Variants in MMP16 observed in about 807,000 individuals in gnomAD.
MMP16 encodes matrix metalloproteinase-16.
MMP16 carries 12 observed loss-of-function variants against 67.8 expected under a neutral mutation model. That is an observed-to-expected ratio of 0.18 (90% confidence interval 0.11 to 0.29). The LOEUF is 0.29. Ranked by LOEUF, MMP16 falls within the 10% of genes least tolerant of loss-of-function variation. MMP16 has a pLI of 1.00. For missense variants in MMP16, 475 were observed against 765.7 expected, an observed-to-expected ratio of 0.62 and a Z score of 4.48; for synonymous variants, 249 against 255.9, an observed-to-expected ratio of 0.97 and a Z score of 0.26.
chr8:88,248,733 G>C (rs1810159372), intron 1 of MMP16, among the ~76,000 whole-genome samples: 1 of 150,370 alleles, frequency 6.7e-6, no homozygotes, highest in African/African-American at 2.4e-5. Context: ...AAAAGGAGTT[G>C]TCCTCTAGGG....
intron 3 of MMP16, among the ~76,000 whole-genome samples, chr8:88,175,542 C>G (rs932532011): frequency 1.3e-5 from 2 of 152,060 alleles, no homozygotes; most frequent in Non-Finnish European, 2.9e-5. Context: ...GTCTTGTCAG[C>G]GCACTCTCAA....
intron 1 of MMP16, among the ~76,000 whole-genome samples, chr8:88,279,993 C>A (rs1463608605): frequency 1.3e-5 from 2 of 152,090 alleles, no homozygotes; most frequent in African/African-American, 2.4e-5. Context: ...GGCAGATGAA[C>A]CCCAGTGGTT....
chr8:88,309,886 T>A (rs1453002763), intron 1 of MMP16, among the ~76,000 whole-genome samples: 1 of 152,124 alleles, frequency 6.6e-6, no homozygotes, highest in Non-Finnish European at 1.5e-5. Flanking sequence ...TAATGTAAGT[T>A]ACTTAAAAGA....
intron 6 of MMP16, among the ~76,000 whole-genome samples, chr8:88,100,583 T>C (rs922869299): frequency 1.3e-5 from 2 of 151,992 alleles, no homozygotes; most frequent in Admixed American, 1.3e-4. Context: ...TCCTCAAGGA[T>C]CTAGAAACAG....
chr8:88,244,818 AC>A (rs1810088763), intron 1 of MMP16, among the ~76,000 whole-genome samples: 1 of 152,194 alleles, frequency 6.6e-6, no homozygotes, highest in African/African-American at 2.4e-5. Context: ...AAGATTTTGA[AC>A]ATATTTGTGC....
chr8:88,307,002 T>A (rs1456617499), intron 1 of MMP16, among the ~76,000 whole-genome samples: 1 of 152,226 alleles, frequency 6.6e-6, no homozygotes, highest in Non-Finnish European at 1.5e-5. Context: ...TGTTTGCAGA[T>A]GGCAGGATCC....
rs1263556345 is a variant in MMP16 at position 88,040,007 on chromosome 8, A to T, written c.*1454T>A. On this transcript the variant is annotated 3_prime_UTR_variant, in exon 10 of 10. Transcript: ENST00000286614. ...ATGGTGGACATGCAATAGGTAATGC[A>T]CTGGAGGATATTCATGCAACTTCAG... 6.6e-6 allele frequency: 1 copy of T among 152,610 alleles called. No homozygotes were observed. Among genetic ancestry groups the T allele is most frequent in the Non-Finnish European group, 1.5e-5 (1 of 68,042 alleles). The allele number at this position is 152,610 out of a possible 1,614,324, so 9.5% of individuals were successfully genotyped here.
At chr8:88,109,467 A>G (rs1052235392) in intron 6 of MMP16, among the ~76,000 whole-genome samples, 2 of 151,412 alleles carry the variant, frequency 1.3e-5, no homozygotes, top group African/African-American at 2.4e-5. Flanking sequence ...ATAACTTCAC[A>G]TAATCCACAA....
chr8:88,230,219 C>T (rs1383591970), intron 1 of MMP16, among the ~76,000 whole-genome samples: 1 of 152,044 alleles, frequency 6.6e-6, no homozygotes, highest in Non-Finnish European at 1.5e-5. Context: ...GTTTCTCATT[C>T]ACGAGATGCA....
chr8:88,211,341 C>A (rs1489349447), intron 1 of MMP16, among the ~76,000 whole-genome samples: 1 of 152,094 alleles, frequency 6.6e-6, no homozygotes, highest in Admixed American at 6.6e-5. Context: ...ATTATTATTG[C>A]CATTGTAATC....
chr8:88,198,180 A>G (rs1057182319), intron 1 of MMP16, among the ~76,000 whole-genome samples: 1 of 152,176 alleles, frequency 6.6e-6, no homozygotes, highest in Admixed American at 6.5e-5. Flanking sequence ...AAAAAAACAT[A>G]TATCTCCACC....
chr8:88,151,476 C>T (rs1243705393), intron 4 of MMP16, among the ~76,000 whole-genome samples: 36 of 150,476 alleles, frequency 2.4e-4, no homozygotes, highest in Admixed American at 2.4e-3. Context: ...AAGCACTCCT[C>T]AGCAAATGTA....
intron 1 of MMP16, among the ~76,000 whole-genome samples, chr8:88,232,882 A>C (rs2129877317): frequency 6.6e-6 from 1 of 152,182 alleles, no homozygotes; most frequent in Non-Finnish European, 1.5e-5. Context: ...TGAGTTTAAA[A>C]CCCCATCTTG....
At chr8:88,221,733 A>T (rs1438049849) in intron 1 of MMP16, among the ~76,000 whole-genome samples, 2 of 152,116 alleles carry the variant, frequency 1.3e-5, no homozygotes, top group South Asian at 2.1e-4. Context: ...AAGATTTTTT[A>T]AAAAATCATG....
chr8:88,192,336 T>C (rs916534129), intron 2 of MMP16, among the ~76,000 whole-genome samples: 3 of 152,178 alleles, frequency 2.0e-5, no homozygotes, highest in African/African-American at 7.2e-5. Context: ...AAGATTGAAA[T>C]GGCAAAGTTA....
intron 6 of MMP16, among the ~76,000 whole-genome samples, chr8:88,105,151 CTTT>C (rs11300654): frequency 2.3e-4 from 33 of 143,018 alleles, no homozygotes; most frequent in Admixed American, 3.5e-4. Context: ...TTTATCTCAT[CTTT>C]TTTTTTTTTT....
chr8:88,184,516 C>CCCAGGAG (rs1809034778), intron 3 of MMP16, among the ~76,000 whole-genome samples: 1 of 134,136 alleles, frequency 7.5e-6, no homozygotes, highest in African/African-American at 2.8e-5. Context: ...ATCACTTGAG[C>CCCAGGAG]CCAGGAGTTC....
chr8:88,116,455 A>G (rs1399430997), intron 6 of MMP16, 52 bp downstream of exon 6: 7 of 1,478,274 alleles, frequency 4.7e-6, no homozygotes, highest in African/African-American at 1.4e-5. Context: ...TTTCTAAAGC[A>G]ACACTAGACA....
At chr8:88,091,340 G>A (rs1202922509) in intron 6 of MMP16, among the ~76,000 whole-genome samples, 1 of 151,596 alleles carries the variant, frequency 6.6e-6, no homozygotes, top group Non-Finnish European at 1.5e-5. Context: ...TTTCTTACTA[G>A]TCAGATACAG....
Sources: gnomAD v4.1 joint callset for allele counts (sites outside exome capture counted in the v4.1 genomes callset) on GRCh38, gnomAD v4.1.1 for gene constraint, MANE v1.5 for transcripts, NCBI Gene and HGNC (gene_info 2026-07-23, HGNC 2026-07-21) for gene names.